Variants in ARMC9 observed in about 807,000 individuals in gnomAD.
ARMC9 encodes the protein armadillo repeat containing 9.
Under a neutral mutation model 107.0 loss-of-function variants are expected in ARMC9, and 94 were observed. The observed-to-expected ratio is 0.88, with a 90% CI of 0.74 to 1.04. ARMC9 has a LOEUF of 1.04. ARMC9 is among the 50% of genes least tolerant of loss of function. ARMC9 has a pLI of 0.00. For synonymous variants in ARMC9, 380 were observed against 396.9 expected, an observed-to-expected ratio of 0.96 and a Z score of 0.51; for missense variants, 942 against 1,030.1, an observed-to-expected ratio of 0.91 and a Z score of 1.17.
chr2:231,247,537 TGTGTATTGAGGAGTCTCC>T (rs1028006501), intron 9 of ARMC9, among the ~76,000 whole-genome samples: 5 of 152,220 alleles, frequency 3.3e-5, no homozygotes, highest in South Asian at 2.1e-4. Context: ...TGCAATGCCC[TGTGTATTGAGGAGTCTCC>T]CAACCAGCAC....
At chr2:231,250,560 C>T (rs1559352069) in intron 9 of ARMC9, among the ~76,000 whole-genome samples, 1 of 152,102 alleles carries the variant, frequency 6.6e-6, no homozygotes, top group Non-Finnish European at 1.5e-5. Context: ...GGCCCATGCT[C>T]CCAGAGGGGA....
chr2:231,271,441 C>T (rs1473892566), intron 13 of ARMC9, among the ~76,000 whole-genome samples: 3 of 152,098 alleles, frequency 2.0e-5, no homozygotes, highest in South Asian at 2.1e-4. Context: ...ATAAGCTTAG[C>T]GAAACAAAGC....
At chr2:231,332,055 G>A (rs1363265171) in intron 20 of ARMC9, among the ~76,000 whole-genome samples, 158 bp downstream of exon 20, 1 of 152,230 alleles carries the variant, frequency 6.6e-6, no homozygotes, top group Non-Finnish European at 1.5e-5. Context: ...CAGTGGCCCT[G>A]AAATGCACTG....
At chr2:231,352,705 A>G (rs891364219) in intron 21 of ARMC9, among the ~76,000 whole-genome samples, 2 of 143,450 alleles carry the variant, frequency 1.4e-5, no homozygotes, top group South Asian at 2.2e-4. Flanking sequence ...ATAGATAGAT[A>G]GATGATAGGT....
chr2:231,331,261 G>A (rs2043713376), intron 19 of ARMC9, among the ~76,000 whole-genome samples: 1 of 152,204 alleles, frequency 6.6e-6, no homozygotes, highest in African/African-American at 2.4e-5. Flanking sequence ...TTTATAGGTA[G>A]TGTCCAGTGT....
At chr2:231,305,154 C>G (rs1472069976) in intron 19 of ARMC9, among the ~76,000 whole-genome samples, 1 of 152,204 alleles carries the variant, frequency 6.6e-6, no homozygotes, top group Non-Finnish European at 1.5e-5. Flanking sequence ...TCATCAAGGA[C>G]AGCCTTAAAT....
At chr2:231,322,186 C>T (rs1415015041) in intron 19 of ARMC9, among the ~76,000 whole-genome samples, 2 of 152,198 alleles carry the variant, frequency 1.3e-5, no homozygotes, top group Non-Finnish European at 2.9e-5. Flanking sequence ...TCAAGGATCC[C>T]GGACGTGCTT....
At chr2:231,230,168 C>T (rs2035071635) in intron 7 of ARMC9, among the ~76,000 whole-genome samples, 1 of 151,982 alleles carries the variant, frequency 6.6e-6, no homozygotes, top group Non-Finnish European at 1.5e-5. Flanking sequence ...TTGTGACCAG[C>T]CTGGCCAACA....
At chr2:231,319,778 A>G (rs2042899805) in intron 19 of ARMC9, among the ~76,000 whole-genome samples, 1 of 152,202 alleles carries the variant, frequency 6.6e-6, no homozygotes, top group Non-Finnish European at 1.5e-5. Flanking sequence ...CCACCAGACC[A>G]TCTTCTTAAA....
At chr2:231,202,121 T>C (rs2031119593) in intron 1 of ARMC9, among the ~76,000 whole-genome samples, 1 of 151,866 alleles carries the variant, frequency 6.6e-6, no homozygotes, top group Non-Finnish European at 1.5e-5. Flanking sequence ...TGCCTCAGCT[T>C]CCAGAGTAGC....
At chr2:231,203,632 A>G (rs555105995) in intron 1 of ARMC9, among the ~76,000 whole-genome samples, 1 of 152,154 alleles carries the variant, frequency 6.6e-6, no homozygotes, top group East Asian at 1.9e-4. Flanking sequence ...CCAGGAGTTC[A>G]AGACCAGCCT....
At chr2:231,263,184 A>C (rs1349402336) in intron 12 of ARMC9, among the ~76,000 whole-genome samples, 1 of 152,198 alleles carries the variant, frequency 6.6e-6, no homozygotes, top group African/African-American at 2.4e-5. Context: ...TGCTGTAAAA[A>C]TGTAAAGCTA....
At position 231,201,471 on chromosome 2, in the gene ARMC9, C is replaced by T. The variant is rs184769039; in HGVS notation, c.-42+2773C>T. On this transcript the variant is annotated intron_variant, in intron 1 of 24. Coordinates refer to ENST00000611582, the MANE Select transcript of ARMC9 (RefSeq NM_001352754.2). Reference sequence around the variant, plus strand: ...TTTCTTCATCCTCCTTACTTGCAGGCGTCTCTTTCCTCCATCCTCCTCATC... The same window carrying T: ...TTTCTTCATCCTCCTTACTTGCAGGTGTCTCTTTCCTCCATCCTCCTCATC... Among the ~76,000 whole-genome samples the T allele has an allele frequency of 8.4e-3, 1,274 of 152,342 alleles. 18 individuals are homozygous for T. Among genetic ancestry groups the T allele is most frequent in the Non-Finnish European group, 0.011 (742 of 68,026 alleles).
At chr2:231,361,742 G>A (rs1303688218) in intron 23 of ARMC9, among the ~76,000 whole-genome samples, 1 of 152,276 alleles carries the variant, frequency 6.6e-6, no homozygotes, top group Middle Eastern at 3.4e-3. Flanking sequence ...CATGAAGGAA[G>A]CCAACCTCCT....
intron 17 of ARMC9, among the ~76,000 whole-genome samples, chr2:231,290,726 C>G (rs2040928846): frequency 6.6e-6 from 1 of 152,118 alleles, no homozygotes; most frequent in African/African-American, 2.4e-5. Flanking sequence ...AGTGTAGTGA[C>G]TTTATAATTC....
intron 7 of ARMC9, among the ~76,000 whole-genome samples, chr2:231,231,718 T>C (rs537481187): frequency 9.3e-5 from 14 of 150,070 alleles, no homozygotes; most frequent in African/African-American, 3.4e-4. Context: ...AGATGAAGTC[T>C]GGCTTTGTCG....
intron 19 of ARMC9, among the ~76,000 whole-genome samples, chr2:231,310,822 T>C (rs923420688): frequency 2.0e-5 from 3 of 150,932 alleles, no homozygotes; most frequent in Non-Finnish European, 4.4e-5. Context: ...TAAGTTCACT[T>C]AAAATAGAAA....
At chr2:231,354,263 TAAAAAAAAA>T (rs759691541) in intron 21 of ARMC9, among the ~76,000 whole-genome samples, 2 of 100,474 alleles carry the variant, frequency 2.0e-5, no homozygotes, top group African/African-American at 9.4e-5. Context: ...CATCTCCATT[TAAAAAAAAA>T]AAAAAAAAAA....
At chr2:231,344,890 G>A in intron 20 of ARMC9, 85 bp from the exon 21 acceptor site, 1 of 1,289,528 alleles carries the variant, frequency 7.8e-7, no homozygotes, top group Non-Finnish European at 1.1e-6. Flanking sequence ...TTATAGAGTA[G>A]TTTATTCAGT....
Sources: allele counts gnomAD v4.1 joint callset (sites outside exome capture counted in the v4.1 genomes callset), GRCh38; gene constraint gnomAD v4.1.1; transcripts MANE v1.5; gene names NCBI Gene and HGNC (gene_info 2026-07-23, HGNC 2026-07-21).